The following NRCAM variants were observed in gnomAD, a reference collection of about 807,000 sequenced individuals.
The protein encoded by NRCAM is neuronal cell adhesion molecule, also known as NgCAM-related cell adhesion molecule.
In NRCAM, 83 loss-of-function variants were observed where a neutral mutation model predicts 156.5. The observed-to-expected ratio is 0.53, with a 90% confidence interval of 0.44 to 0.64. The LOEUF is 0.64. Among genes scored for constraint, NRCAM ranks in the 30% least tolerant of loss-of-function variants. The pLI, the probability that NRCAM is intolerant of heterozygous loss-of-function variation, is 0.00. For synonymous variants in NRCAM, 538 were observed against 563.9 expected (o/e 0.95, Z 0.65); for missense variants, 1,417 against 1,597.3 (o/e 0.89, Z 1.92).
chr7:108,214,151 G>A (rs1286742023), intron 11 of NRCAM, among the ~76,000 whole-genome samples: 1 of 152,184 alleles, frequency 6.6e-6, no homozygotes, highest in Non-Finnish European at 1.5e-5. Flanking sequence ...CTGTTGCTTG[G>A]AATAGCTTCA....
intron 2 of NRCAM, among the ~76,000 whole-genome samples, chr7:108,357,976 C>T (rs748412631): frequency 3.2e-4 from 49 of 152,214 alleles, no homozygotes; most frequent in Non-Finnish European, 6.6e-4. Flanking sequence ...TTCATCCCTA[C>T]GGATTGGCTT....
At chr7:108,215,212 A>ATTTTTTTTT (rs71137615) in intron 11 of NRCAM, among the ~76,000 whole-genome samples, 1 of 126,560 alleles carries the variant, frequency 7.9e-6, no homozygotes. Flanking sequence ...GTGTCCCACT[A>ATTTTTTTTT]TTTTTTTTTT....
intron 2 of NRCAM, among the ~76,000 whole-genome samples, chr7:108,377,715 G>A (rs1483157504): frequency 2.0e-5 from 3 of 152,052 alleles, no homozygotes; most frequent in Non-Finnish European, 4.4e-5. Context: ...AGAATTGACA[G>A]CACTTTAAAT....
At chr7:108,421,376 T>C (rs954325605) in intron 1 of NRCAM, among the ~76,000 whole-genome samples, 11 of 152,202 alleles carry the variant, frequency 7.2e-5, no homozygotes, top group Middle Eastern at 3.2e-3. Context: ...AATGTTTACA[T>C]GTCTCATGAT....
At chr7:108,413,414 AT>A (rs964574244) in intron 1 of NRCAM, among the ~76,000 whole-genome samples, 14 of 152,190 alleles carry the variant, frequency 9.2e-5, no homozygotes, top group Admixed American at 7.9e-4. Context: ...TTCCTTATAT[AT>A]TTTGGATATT....
intron 2 of NRCAM, among the ~76,000 whole-genome samples, chr7:108,358,758 G>A (rs796702675): frequency 4.6e-5 from 7 of 152,274 alleles, no homozygotes; most frequent in African/African-American, 1.4e-4. Context: ...TTAGCAAAAC[G>A]AACTGAGTAC....
chr7:108,445,296 C>T (rs1216556685), intron 1 of NRCAM, among the ~76,000 whole-genome samples: 1 of 152,172 alleles, frequency 6.6e-6, no homozygotes, highest in Non-Finnish European at 1.5e-5. Context: ...ATTGACTCAA[C>T]ATGACTTTAA....
intron 1 of NRCAM, among the ~76,000 whole-genome samples, chr7:108,404,996 T>G (rs2154401257): frequency 6.6e-6 from 1 of 152,330 alleles, no homozygotes; most frequent in South Asian, 2.1e-4. Flanking sequence ...GAAATGTGAT[T>G]TTTTCCTCGT....
At chr7:108,282,825 G>T (rs927397848) in intron 3 of NRCAM, among the ~76,000 whole-genome samples, 16 of 152,180 alleles carry the variant, frequency 1.1e-4, no homozygotes, top group African/African-American at 3.9e-4. Context: ...ACCTTCAAAT[G>T]CAAGTGAACT....
chr7:108,354,681 G>T (rs2099469048), intron 2 of NRCAM, among the ~76,000 whole-genome samples: 1 of 151,700 alleles, frequency 6.6e-6, no homozygotes, highest in Non-Finnish European at 1.5e-5. Flanking sequence ...GATCACCTGA[G>T]GTCAGGAGTT....
chr7:108,242,481 T>G (rs893122551), intron 3 of NRCAM, among the ~76,000 whole-genome samples: 5 of 152,178 alleles, frequency 3.3e-5, no homozygotes, highest in Non-Finnish European at 7.3e-5. Context: ...ACTATCTTTC[T>G]GTGTGTGCAA....
At chr7:108,411,809 G>T (rs1795731594) in intron 1 of NRCAM, among the ~76,000 whole-genome samples, 1 of 152,132 alleles carries the variant, frequency 6.6e-6, no homozygotes, top group Non-Finnish European at 1.5e-5. Context: ...GGTATTACAG[G>T]CATAAGCCAC....
At chr7:108,209,735 A>C in intron 11 of NRCAM, 130 bp from the exon 12 acceptor site, 1 of 659,774 alleles carries the variant, frequency 1.5e-6, no homozygotes, top group Non-Finnish European at 2.6e-6. Flanking sequence ...AGATATTTTA[A>C]TTAGCACCAC....
intron 2 of NRCAM, among the ~76,000 whole-genome samples, chr7:108,328,932 T>G (rs2099099156): frequency 6.6e-6 from 1 of 152,208 alleles, no homozygotes; most frequent in Admixed American, 6.5e-5. Context: ...ACTGGCTTCT[T>G]TATTTCAGCC....
At chr7:108,314,801 C>G (rs1234824281) in intron 2 of NRCAM, among the ~76,000 whole-genome samples, 4 of 152,084 alleles carry the variant, frequency 2.6e-5, no homozygotes, top group African/African-American at 9.7e-5. Context: ...AACTGAAAAT[C>G]TGCTATTACA....
chr7:108,250,963 T>C (rs755327243), intron 3 of NRCAM, among the ~76,000 whole-genome samples: 3 of 152,160 alleles, frequency 2.0e-5, no homozygotes, highest in Admixed American at 6.5e-5. Context: ...AAAGAGCAGT[T>C]TGAAATGTCC....
chr7:108,335,434 C>CTTTTTTTTTTTTTTTTTTTTTTT lies in NRCAM; in HGVS notation c.-173-22726_-173-22704dup, dbSNP rs58975301. ...ATGTCCTGTGGATCTGTTCCACCTG[C>CTTTTTTTTTTTTTTTTTTTTTTT]TTTTTTTTTTTTTTTTTTTTTTTTT... On this transcript the variant is annotated intron_variant, in intron 2 of 32. Coordinates refer to ENST00000379028, the MANE Select transcript of NRCAM (RefSeq NM_001037132.4). Among the ~76,000 whole-genome samples the CTTTTTTTTTTTTTTTTTTTTTTT allele has an allele frequency of 2.4e-4, 17 of 69,878 alleles. 2 individuals are homozygous for CTTTTTTTTTTTTTTTTTTTTTTT. The highest frequency in any genetic ancestry group is 8.2e-4 in the South Asian group (1 of 1,220). 45.8% of individuals were successfully genotyped at this position (69,878 alleles called of 152,430 possible). A position where few individuals can be genotyped will look rare whatever the true frequency, so the allele number is the denominator to read the frequency against.
intron 3 of NRCAM, among the ~76,000 whole-genome samples, chr7:108,272,549 G>C (rs1259475186): frequency 6.6e-6 from 1 of 151,976 alleles, no homozygotes; most frequent in Non-Finnish European, 1.5e-5. Flanking sequence ...TGATCATAGG[G>C]TACTGTTCTA....
Position 108,290,536 on chromosome 7 carries a change from G to C in NRCAM, c.-107+22129C>G, listed in dbSNP as rs145972457. ...AATCAGCAACTCTCAGAGAAGGACA[G>C]AGCTGGGTCAACAGTACAGTACAAA... On this transcript the variant is annotated intron_variant, in intron 3 of 32. Transcript: ENST00000379028. Among the ~76,000 whole-genome samples the C allele has an allele frequency of 8.2e-3, 1,250 of 152,302 alleles. 27 individuals carry two copies. The highest frequency in any genetic ancestry group is 0.038 in the Admixed American group (585 of 15,290).
Sources: allele counts gnomAD v4.1 joint callset (sites outside exome capture counted in the v4.1 genomes callset), GRCh38; gene constraint gnomAD v4.1.1; transcripts MANE v1.5; gene names NCBI Gene and HGNC (gene_info 2026-07-23, HGNC 2026-07-21).